Variants in ALLC observed in about 807,000 individuals in gnomAD.
ALLC encodes the protein probable inactive allantoicase.
ALLC carries 40 observed loss-of-function variants against 45.0 expected under a neutral mutation model. That is an observed-to-expected ratio of 0.89 (90% confidence interval 0.69 to 1.16). The LOEUF is 1.16. Ranked by LOEUF, ALLC falls within the 50% of genes most tolerant of loss-of-function variation. The pLI is 0.00. For synonymous variants in ALLC, 176 were observed against 178.1 expected (o/e 0.99, Z 0.09); for missense variants, 488 against 493.1 (o/e 0.99, Z 0.10).
intron 4 of ALLC, among the ~76,000 whole-genome samples, chr2:3,678,975 A>T (rs991095012): frequency 1.3e-5 from 2 of 152,174 alleles, no homozygotes; most frequent in Non-Finnish European, 2.9e-5. Context: ...TGCTAGCAAG[A>T]TAAGCTGGGG....
the ALLC span, among the ~76,000 whole-genome samples, chr2:3,649,750 C>T: frequency 4.6e-5 from 7 of 152,258 alleles, no homozygotes; most frequent in Non-Finnish European, 7.3e-5. Flanking sequence ...CGCACTCACA[C>T]AGGGACCGGG....
intron 11 of ALLC, 107 bp from the exon 12 acceptor site, chr2:3,702,256 A>G: frequency 1.2e-6 from 1 of 860,854 alleles, no homozygotes; most frequent in South Asian, 1.9e-5. Context: ...CTTATTTTAA[A>G]GCCCCTTCGG....
At chr2:3,685,168 T>G (rs1428990292) in intron 7 of ALLC, among the ~76,000 whole-genome samples, 1 of 152,202 alleles carries the variant, frequency 6.6e-6, no homozygotes, top group Admixed American at 6.5e-5. Flanking sequence ...TGTACTAATT[T>G]ACATTCTCAC....
chr2:3,687,369 T>C lies in ALLC; in HGVS notation c.511+4295T>C, dbSNP rs1458555155. 1.3e-5 allele frequency among the ~76,000 whole-genome samples: 2 copies of C among 151,050 alleles called. 1 individual carries two copies. The highest frequency in any genetic ancestry group is 3.9e-4 in the East Asian group (2 of 5,086). ...ATTTTGTTGAGGATTTTTGCATCTATGTCCATCAGTGATATTAACCTGTAG... is the reference window on the plus strand; with the variant it reads ...ATTTTGTTGAGGATTTTTGCATCTACGTCCATCAGTGATATTAACCTGTAG... On this transcript the variant is annotated intron_variant, in intron 7 of 11. Transcript: ENST00000252505.
chr2:3,665,281 TG>T (rs1308675077), intron 1 of ALLC, among the ~76,000 whole-genome samples: 1 of 152,084 alleles, frequency 6.6e-6, no homozygotes, highest in African/African-American at 2.4e-5. Context: ...CCTTTTTTTT[TG>T]TTTTTGAAGT....
upstream of ALLC, among the ~76,000 whole-genome samples, chr2:3,657,135 G>T (rs1666461716): frequency 6.6e-6 from 1 of 152,194 alleles, no homozygotes; most frequent in Non-Finnish European, 1.5e-5. Context: ...GCAGACAGAT[G>T]TGTAAACATG....
chr2:3,685,636 T>C (rs1156437402), intron 7 of ALLC, among the ~76,000 whole-genome samples: 4 of 150,756 alleles, frequency 2.7e-5, no homozygotes, highest in African/African-American at 4.8e-5. Flanking sequence ...GAGATGAGGT[T>C]TGAGTGGGGA....
At chr2:3,681,170 A>G (rs1307171214) in intron 5 of ALLC, among the ~76,000 whole-genome samples, 3 of 152,150 alleles carry the variant, frequency 2.0e-5, no homozygotes, top group Non-Finnish European at 2.9e-5. Context: ...GCTACAAGAG[A>G]TGCTACTCTA....
chr2:3,666,495 T>A (rs910898238), intron 1 of ALLC, among the ~76,000 whole-genome samples: 1 of 152,246 alleles, frequency 6.6e-6, no homozygotes, highest in Non-Finnish European at 1.5e-5. Flanking sequence ...CTGCTTAGTC[T>A]GTAACCCGCC....
chr2:3,653,495 G>C (rs1004734633), upstream of ALLC, among the ~76,000 whole-genome samples: 1 of 152,318 alleles, frequency 6.6e-6, no homozygotes, highest in Non-Finnish European at 1.5e-5. This position sits in a 1 kb window ranked among gnomAD's most constrained non-coding sequence, Gnocchi z 4.1. Flanking sequence ...TGCCAGCTAC[G>C]ATCCAGCCCT....
At chr2:3,670,838 C>T (rs1040159366) in intron 1 of ALLC, among the ~76,000 whole-genome samples, 2 of 145,448 alleles carry the variant, frequency 1.4e-5, no homozygotes, top group Admixed American at 6.7e-5. Flanking sequence ...GTTTGTATAG[C>T]TAGTGATATT....
chr2:3,667,517 T>G (rs557985239), intron 1 of ALLC, among the ~76,000 whole-genome samples: 49 of 152,368 alleles, frequency 3.2e-4, no homozygotes, highest in Non-Finnish European at 5.9e-4. Flanking sequence ...TGGTTCACTT[T>G]GCAGCTGCGG....
chr2:3,674,036 A>G (rs1425753956), intron 2 of ALLC, 39 bp from the exon 3 acceptor site: 1 of 1,418,738 alleles, frequency 7.0e-7, no homozygotes, highest in Non-Finnish European at 9.7e-7. Flanking sequence ...TATCAGATTT[A>G]TGGTTGCTTT....
chr2:3,664,631 C>A (rs1666649470), intron 1 of ALLC, among the ~76,000 whole-genome samples: 1 of 152,098 alleles, frequency 6.6e-6, no homozygotes. Flanking sequence ...TGCCTGTAAT[C>A]CCAGCATTTT....
intron 7 of ALLC, 35 bp from the exon 8 acceptor site, chr2:3,695,682 T>G: frequency 6.2e-7 from 1 of 1,613,580 alleles, no homozygotes; most frequent in Non-Finnish European, 8.5e-7. Flanking sequence ...GCAGCCATTT[T>G]TACAAACAAT....
intron 1 of ALLC, among the ~76,000 whole-genome samples, chr2:3,664,617 C>A (rs1392051100): frequency 6.6e-6 from 1 of 152,152 alleles, no homozygotes; most frequent in Non-Finnish European, 1.5e-5. Context: ...GGTGTTGTGA[C>A]TCATGCCTGT....
the ALLC span, among the ~76,000 whole-genome samples, chr2:3,647,417 A>G: frequency 3.3e-5 from 5 of 152,014 alleles, no homozygotes; most frequent in African/African-American, 1.2e-4. Context: ...GGCAATTCCC[A>G]TGCTGCCCAT....
the ALLC span, among the ~76,000 whole-genome samples, chr2:3,649,079 G>A: frequency 6.6e-6 from 1 of 152,234 alleles, no homozygotes; most frequent in African/African-American, 2.4e-5. Flanking sequence ...TCATAGAAAC[G>A]GCAACACACG....
chr2:3,678,223 G>T (rs1285060376), intron 3 of ALLC, among the ~76,000 whole-genome samples: 3 of 152,240 alleles, frequency 2.0e-5, no homozygotes, highest in African/African-American at 4.8e-5. Context: ...TGTACCTGCT[G>T]CTATCAGTGG....
Sources: gnomAD v4.1 joint callset for allele counts (sites outside exome capture counted in the v4.1 genomes callset) on GRCh38, gnomAD v4.1.1 for gene constraint, Gnocchi (gnomAD v3.1) non-coding constraint, MANE v1.5 for transcripts, NCBI Gene and HGNC (gene_info 2026-07-23, HGNC 2026-07-21) for gene names.